SYT10: variants seen among roughly 807,000 people sequenced by gnomAD.
The protein encoded by SYT10 is synaptotagmin 10.
A neutral mutation model predicts 51.1 loss-of-function variants in SYT10; 31 were observed. That is an observed-to-expected ratio of 0.61 (90% CI 0.46 to 0.82). The LOEUF (loss-of-function observed/expected upper bound fraction) is 0.82, where lower values mean the gene tolerates loss of function less well. Ranked by LOEUF, SYT10 falls within the 40% of genes least tolerant of loss-of-function variation. The probability of loss-of-function intolerance (pLI) is 0.00; values close to 1 mark genes in which losing one functional copy is unlikely to be tolerated. For synonymous variants in SYT10, 233 were observed against 225.9 expected, an observed-to-expected ratio of 1.03 and a Z score of -0.28; for missense variants, 603 against 634.0, an observed-to-expected ratio of 0.95 and a Z score of 0.53.
chr12:33,402,268 A>C (rs1389375066), intron 3 of SYT10, among the ~76,000 whole-genome samples: 2 of 152,228 alleles, frequency 1.3e-5, no homozygotes, highest in Non-Finnish European at 2.9e-5. Context: ...GGTTCCCTTT[A>C]GTCTCTTCAT....
At chr12:33,413,483 T>A (rs1283274047) in intron 2 of SYT10, among the ~76,000 whole-genome samples, 1 of 152,132 alleles carries the variant, frequency 6.6e-6, no homozygotes, top group Admixed American at 6.6e-5. Context: ...ACAGTGGATC[T>A]CTCGGCAGAA....
Position 33,375,630 on chromosome 12 carries a change from T to G in SYT10, c.*1200A>C, listed in dbSNP as rs1440101499. ...CATGTAGTGGCCTGAACCTTGATCC[T>G]TATGAAGGCAAATGCCTTTCATGCA... On this transcript the variant is annotated 3_prime_UTR_variant, in exon 7 of 7. Coordinates refer to ENST00000228567, the MANE Select transcript of SYT10 (RefSeq NM_198992.4). The G allele has an allele frequency of 1.3e-5, 2 of 152,160 alleles. No homozygotes were observed. Among genetic ancestry groups the G allele is most frequent in the Admixed American group, 6.6e-5 (1 of 15,252 alleles). The allele number at this position is 152,160 out of a possible 1,614,324, so 9.4% of individuals were successfully genotyped here. A position where few individuals can be genotyped will look rare whatever the true frequency, so the allele number is the denominator to read the frequency against.
At chr12:33,381,461 G>C (rs1866115060) in intron 5 of SYT10, among the ~76,000 whole-genome samples, 1 of 152,256 alleles carries the variant, frequency 6.6e-6, no homozygotes, top group South Asian at 2.1e-4. Context: ...AAAAACACAA[G>C]TATTCATTTC....
At chr12:33,421,935 G>T (rs1355759877) in intron 2 of SYT10, among the ~76,000 whole-genome samples, 1 of 152,020 alleles carries the variant, frequency 6.6e-6, no homozygotes, top group East Asian at 1.9e-4. Context: ...TAGGAGGATG[G>T]TAAAAAGACC....
chr12:33,395,893 T>C (rs1255518224), intron 3 of SYT10, among the ~76,000 whole-genome samples: 5 of 152,192 alleles, frequency 3.3e-5, no homozygotes, highest in African/African-American at 1.2e-4. Flanking sequence ...CTCTTTAGTA[T>C]ATTTCAAATA....
intron 2 of SYT10, among the ~76,000 whole-genome samples, chr12:33,422,533 A>G (rs1326877849): frequency 6.6e-6 from 1 of 152,112 alleles, no homozygotes; most frequent in East Asian, 1.9e-4. Flanking sequence ...CATGTTGGCC[A>G]TGATTTCAAG....
intron 2 of SYT10, among the ~76,000 whole-genome samples, chr12:33,424,699 C>T (rs10844593): frequency 0.13 from 20,176 of 151,462 alleles, 1,571 homozygotes; most frequent in African/African-American, 0.19. Flanking sequence ...AAAAAAGTGG[C>T]TTATTGGACA....
At chr12:33,381,770 A>G (rs11052666) in intron 5 of SYT10, among the ~76,000 whole-genome samples, 37,492 of 151,980 alleles carry the variant, frequency 0.25, 4,908 homozygotes, top group East Asian at 0.34. Flanking sequence ...TGAAAGCAGG[A>G]GTGACTCAAA....
intron 3 of SYT10, among the ~76,000 whole-genome samples, chr12:33,387,708 A>G (rs1866168559): frequency 6.6e-6 from 1 of 151,502 alleles, no homozygotes; most frequent in Non-Finnish European, 1.5e-5. Context: ...AGCACAGCCT[A>G]CTGCTGAAGA....
intron 1 of SYT10, among the ~76,000 whole-genome samples, chr12:33,435,805 T>C (rs1866633513): frequency 6.6e-6 from 1 of 152,188 alleles, no homozygotes; most frequent in African/African-American, 2.4e-5. Context: ...ATTCTTATAA[T>C]TTTACTTAAC....
intron 1 of SYT10, among the ~76,000 whole-genome samples, chr12:33,434,365 T>A (rs1294812261): frequency 6.6e-6 from 1 of 152,232 alleles, no homozygotes; most frequent in African/African-American, 2.4e-5. Context: ...GATATTGTAT[T>A]AGATACTGGT....
At chr12:33,403,111 T>C (rs1866320501) in intron 3 of SYT10, among the ~76,000 whole-genome samples, 1 of 152,094 alleles carries the variant, frequency 6.6e-6, no homozygotes, top group Admixed American at 6.6e-5. Flanking sequence ...AGGTACTCTT[T>C]AAAAATCTCA....
At chr12:33,438,122 T>G (rs1866652620) in intron 1 of SYT10, among the ~76,000 whole-genome samples, 1 of 152,074 alleles carries the variant, frequency 6.6e-6, no homozygotes, top group Non-Finnish European at 1.5e-5. Flanking sequence ...CCCGCTTGGC[T>G]TTGACGCAGG....
rs1866494931 is a variant in SYT10 at position 33,420,658 on chromosome 12, A to T, written c.509+5480T>A. On this transcript the variant is annotated intron_variant, in intron 2 of 6. Transcript: ENST00000228567. Reference sequence around the variant, plus strand: ...CAGAGTGAGACTCTGTATCAAAACAACAACAACAACAGCAAAAAAGAACCA... The same window carrying T: ...CAGAGTGAGACTCTGTATCAAAACATCAACAACAACAGCAAAAAAGAACCA... Among the ~76,000 whole-genome samples the T allele has an allele frequency of 2.0e-5, 3 of 152,148 alleles. No individual in the cohort carries two copies. The South Asian group carries it at 6.2e-4, about 32-fold the overall frequency.
chr12:33,421,577 C>A (rs963570803), intron 2 of SYT10, among the ~76,000 whole-genome samples: 6 of 151,860 alleles, frequency 4.0e-5, no homozygotes, highest in East Asian at 3.9e-4. Context: ...TTTAAAAAGG[C>A]AAAATGAAGT....
intron 1 of SYT10, 84 bp downstream of exon 1, chr12:33,439,288 G>A (rs1030341304): frequency 6.7e-7 from 1 of 1,488,350 alleles, no homozygotes; most frequent in Non-Finnish European, 9.0e-7. Flanking sequence ...GAGCGGCGCG[G>A]GAGGCGCAGA....
intron 3 of SYT10, among the ~76,000 whole-genome samples, chr12:33,388,887 A>G (rs1481029322): frequency 1.3e-5 from 2 of 152,216 alleles, no homozygotes; most frequent in Non-Finnish European, 2.9e-5. Context: ...ACATGCAAAT[A>G]TTTGCATTGC....
At chr12:33,437,263 T>A (rs1393505384) in intron 1 of SYT10, among the ~76,000 whole-genome samples, 4 of 152,224 alleles carry the variant, frequency 2.6e-5, no homozygotes, top group Non-Finnish European at 5.9e-5. Flanking sequence ...ATAAATCGAA[T>A]ACCCCACTTG....
chr12:33,426,338 A>G lies in SYT10; in HGVS notation c.309T>C (p.Ala103=). 6.2e-7 allele frequency: 1 copy of G among 1,614,094 alleles called. No homozygotes were observed. The highest frequency in any genetic ancestry group is 8.5e-7 in the Non-Finnish European group (1 of 1,180,010). Reference sequence around the variant, plus strand: ...CTTCAGTCTCAAAAACTTCAGTAGGAGCACTTGAAATGCTCTGTGGAAGCG... The same window carrying G: ...CTTCAGTCTCAAAAACTTCAGTAGGGGCACTTGAAATGCTCTGTGGAAGCG... The part of the protein sequence containing the change: ...ITTLPQSISS[A]PTEVFETEEK... Residue 103 remains alanine, a synonymous_variant, in exon 2 of 7, where the codon GCT becomes GCC. Coordinates refer to ENST00000228567, the MANE Select transcript of SYT10 (RefSeq NM_198992.4).
Sources: allele counts gnomAD v4.1 joint callset (sites outside exome capture counted in the v4.1 genomes callset), GRCh38; gene constraint gnomAD v4.1.1; transcripts MANE v1.5; gene names NCBI Gene and HGNC (gene_info 2026-07-23, HGNC 2026-07-21).